The following COL4A5 variants were observed in gnomAD, a reference collection of about 807,000 sequenced individuals.
COL4A5 encodes collagen alpha-5(IV) chain.
In COL4A5, 26 loss-of-function variants were observed where a neutral mutation model predicts 130.2. The observed-to-expected ratio is 0.20, with a 90% CI of 0.15 to 0.28. COL4A5 has a LOEUF of 0.28. Ranked by LOEUF, COL4A5 falls within the 10% of genes least tolerant of loss-of-function variation. The probability of loss-of-function intolerance (pLI) is 1.00; values close to 1 mark genes in which losing one functional copy is unlikely to be tolerated. For synonymous variants in COL4A5, 496 were observed against 439.6 expected, an observed-to-expected ratio of 1.13 and a Z score of -1.60; for missense variants, 1,131 against 1,344.3, an observed-to-expected ratio of 0.84 and a Z score of 2.48.
chrX:108,610,860 T>A (rs1322176206), intron 29 of COL4A5, among the ~76,000 whole-genome samples: 2 of 111,733 alleles, frequency 1.8e-5, no homozygotes, highest in African/African-American at 6.5e-5. Flanking sequence ...TTTATTATGT[T>A]CTATGCCAGC....
chrX:108,593,849 C>T (rs2066472293), intron 21 of COL4A5, among the ~76,000 whole-genome samples: 1 of 111,890 alleles, frequency 8.9e-6, no homozygotes, highest in Non-Finnish European at 1.9e-5. Context: ...AGGTTCTTTG[C>T]ATTATTTTGT....
rs755909046 is a variant in COL4A5 at position 108,465,978 on chromosome X, C to T, written c.81+25772C>T. 1.4e-4 allele frequency among the ~76,000 whole-genome samples: 16 copies of T among 111,470 alleles called. No individual in the cohort carries two copies. The East Asian group carries it at 4.5e-3, about 31-fold the overall frequency. On this transcript the variant is annotated intron_variant, in intron 1 of 52. Transcript: ENST00000328300. ...CTGCATTCTGTCTCTGTGGATTTAC[C>T]TATTCTGGATATTTCATATAAATGA...
intron 1 of COL4A5, among the ~76,000 whole-genome samples, chrX:108,504,669 C>A (rs1010064314): frequency 8.9e-6 from 1 of 112,053 alleles, no homozygotes; most frequent in African/African-American, 3.2e-5. Context: ...AATGTAAATG[C>A]AAATTAAAAC....
intron 36 of COL4A5, among the ~76,000 whole-genome samples, chrX:108,641,586 A>T (rs2067468122): frequency 8.9e-6 from 1 of 112,267 alleles, no homozygotes; most frequent in Admixed American, 9.4e-5. Flanking sequence ...ATAGAAGTGG[A>T]AAGTGGAGAT....
Position 108,621,817 on chromosome X carries a change from A to G in COL4A5, c.2692A>G (p.Met898Val), listed in dbSNP as rs104886192. 266 of 1,203,910 alleles carry G rather than the reference A, an allele frequency of 2.2e-4. No individual in the cohort carries two copies. The highest frequency in any genetic ancestry group is 8.9e-4 in the South Asian group (50 of 56,438). ...ATTCTTCAAAGGTACCAAAGGTGAA[A>G]TGGGTATGATGGGACCTCCAGGCCC... ...ASGFPGTKGEMGMMGPPGPPG... is the reference protein window; with the variant it reads ...ASGFPGTKGEVGMMGPPGPPG... Residue 898 changes from methionine (M) to valine (V), a missense_variant, in exon 32 of 53, where the codon ATG (methionine) becomes GTG (valine). By Grantham distance (21) the Met-to-Val change is conservative. Coordinates refer to ENST00000328300, the MANE Select transcript of COL4A5 (RefSeq NM_033380.3).
At chrX:108,600,683 TAG>T (rs2066612721) in intron 25 of COL4A5, among the ~76,000 whole-genome samples, 1 of 109,052 alleles carries the variant, frequency 9.2e-6, no homozygotes, top group Non-Finnish European at 1.9e-5. Flanking sequence ...GATAGATAGA[TAG>T]ATAGATGAGA....
intron 2 of COL4A5, among the ~76,000 whole-genome samples, chrX:108,544,006 A>G (rs897637194): frequency 5.4e-5 from 6 of 111,912 alleles, no homozygotes; most frequent in African/African-American, 1.6e-4. Context: ...AGGAGATTTT[A>G]GGCTGAGACG....
Position 108,557,812 on chromosome X carries a change from C to G in COL4A5, c.142-1252C>G, listed in dbSNP as rs1019316809. Reference sequence around the variant, plus strand: ...GTGGGTAGGATCTGTTAAGAGGGTTCCCAGAATGAGGTCTGACCAGAGGCA... The same window carrying G: ...GTGGGTAGGATCTGTTAAGAGGGTTGCCAGAATGAGGTCTGACCAGAGGCA... On this transcript the variant is annotated intron_variant, in intron 2 of 52. Transcript: ENST00000328300. 2.7e-5 allele frequency among the ~76,000 whole-genome samples: 3 copies of G among 110,520 alleles called. No individual in the cohort carries two copies. The East Asian group carries it at 8.6e-4, about 32-fold the overall frequency.
At chrX:108,492,059 T>C (rs2147548708) in intron 1 of COL4A5, among the ~76,000 whole-genome samples, 1 of 111,694 alleles carries the variant, frequency 9.0e-6, no homozygotes, top group South Asian at 3.7e-4. Flanking sequence ...ATATTCCTGG[T>C]AATTTCGAAG....
At chrX:108,446,723 C>T (rs1213837088) in intron 1 of COL4A5, among the ~76,000 whole-genome samples, 1 of 111,687 alleles carries the variant, frequency 9.0e-6, no homozygotes. Context: ...TCATGAGATT[C>T]TCCTCAATCC....
Position 108,597,532 on chromosome X carries a change from T to A in COL4A5, c.1743T>A (p.Asp581Glu). The A allele has an allele frequency of 8.3e-7, 1 of 1,210,631 alleles. No individual in the cohort carries two copies. The highest frequency in any genetic ancestry group is 1.1e-6 in the Non-Finnish European group (1 of 895,284). Residue 581 changes from aspartate to glutamate, a missense_variant, in exon 24 of 53, where the codon GAT becomes GAA. Coordinates refer to ENST00000328300, the MANE Select transcript of COL4A5 (RefSeq NM_033380.3). ...LPGLPGTPGQ[D>E]GLPGLPGPKG... is the part of the protein sequence containing the mutation. The stretch of plus-strand genomic sequence containing the variant: ...GTTTACCTGGCACTCCTGGACAGGA[T>A]GGATTGCCAGGGCTTCCTGGCCCGA...
At position 108,581,087 on chromosome X, in the gene COL4A5, A is replaced by T. The variant is rs1006764117; in HGVS notation, c.936+60A>T. The T allele has an allele frequency of 3.9e-6, 4 of 1,014,507 alleles. No individual in the cohort carries two copies. The South Asian group carries it at 7.6e-5, about 19-fold the overall frequency. 83.6% of individuals were successfully genotyped at this position (1,014,507 alleles called of 1,213,427 possible). On this transcript the variant is annotated intron_variant, in intron 16 of 52. Coordinates refer to ENST00000328300, the MANE Select transcript of COL4A5 (RefSeq NM_033380.3). ...GGAGACATTTATGTGTTGGTATAAC[A>T]TAAGGTGGCAGAGAAGCAGTATGAC...
At chrX:108,594,205 C>A (rs2066478368) in intron 21 of COL4A5, among the ~76,000 whole-genome samples, 1 of 111,926 alleles carries the variant, frequency 8.9e-6, no homozygotes, top group African/African-American at 3.2e-5. Context: ...ACCTTGGAGT[C>A]ATCCTTGATT....
At chrX:108,481,252 A>T (rs929031524) in intron 1 of COL4A5, among the ~76,000 whole-genome samples, 1 of 110,973 alleles carries the variant, frequency 9.0e-6, no homozygotes, top group Non-Finnish European at 1.9e-5. Flanking sequence ...ATATCTGACC[A>T]TTTCCCTCTC....
At chrX:108,607,512 C>G (rs1209597953) in intron 29 of COL4A5, among the ~76,000 whole-genome samples, 4 of 85,717 alleles carry the variant, frequency 4.7e-5, no homozygotes, top group Non-Finnish European at 6.9e-5. Flanking sequence ...AAGACAGAGT[C>G]TTGCTCTGTC....
intron 1 of COL4A5, among the ~76,000 whole-genome samples, chrX:108,493,823 C>T (rs1045460672): frequency 3.0e-5 from 3 of 99,576 alleles, no homozygotes; most frequent in African/African-American, 3.6e-5. Context: ...AAAAAAAAAA[C>T]GGATGTAGCT....
At chrX:108,606,619 C>T in intron 28 of COL4A5, 123 bp from the exon 29 acceptor site, 2 of 734,906 alleles carry the variant, frequency 2.7e-6, no homozygotes, top group Admixed American at 2.3e-5. Context: ...ATTATCTTCT[C>T]CTCTCCCCCC....
At chrX:108,539,496 T>C (rs2065503911) in intron 1 of COL4A5, among the ~76,000 whole-genome samples, 1 of 112,070 alleles carries the variant, frequency 8.9e-6, no homozygotes, top group Non-Finnish European at 1.9e-5. Context: ...TCTTGTAAAA[T>C]GATATTTTTC....
chrX:108,642,764 G>A (rs2067495624), intron 36 of COL4A5, among the ~76,000 whole-genome samples: 1 of 102,080 alleles, frequency 9.8e-6, no homozygotes, highest in Non-Finnish European at 2.0e-5. Context: ...CCTACCCTGT[G>A]ACAAAGCCTA....
Sources: gnomAD v4.1 joint callset for allele counts (sites outside exome capture counted in the v4.1 genomes callset) on GRCh38, gnomAD v4.1.1 for gene constraint, MANE v1.5 for transcripts, NCBI Gene and HGNC (gene_info 2026-07-23, HGNC 2026-07-21) for gene names.